The following NISCH variants were observed in gnomAD, a reference collection of about 807,000 sequenced individuals.
The protein encoded by NISCH is nischarin, also known as I-1 receptor candidate protein.
Under a neutral mutation model 138.4 loss-of-function variants are expected in NISCH, and 55 were observed. The observed-to-expected ratio is 0.40, with a 90% CI of 0.32 to 0.50. The LOEUF is 0.50. Among genes scored for constraint, NISCH ranks in the 20% least tolerant of loss-of-function variants. NISCH has a pLI of 0.71. For missense variants in NISCH, 1,643 were observed against 2,005.5 expected, an observed-to-expected ratio of 0.82 and a Z score of 3.45; for synonymous variants, 860 against 861.5, an observed-to-expected ratio of 1.00 and a Z score of 0.03.
chr3:52,487,498 G>T lies in NISCH; in HGVS notation c.2006G>T (p.Gly669Val). Residue 669 changes from glycine (G) to valine (V), a missense_variant, in exon 16 of 21, where the codon GGC becomes GTC. Physicochemically the swap from Gly to Val is moderately radical, Grantham distance 109 (BLOSUM62 -3). Transcript: ENST00000345716. This position sits in a 1 kb window ranked among gnomAD's most constrained non-coding sequence, Gnocchi z 9.1. Reference protein sequence around the residue: ...PPDVEEEEGGGQGEEEEEEEE... With the variant: ...PPDVEEEEGGVQGEEEEEEEE... ...GACGTGGAGGAGGAGGAGGGAGGAGGCCAGGGGGAGGAAGAGGAGGAGGAA... is the reference window on the plus strand; with the variant it reads ...GACGTGGAGGAGGAGGAGGGAGGAGTCCAGGGGGAGGAAGAGGAGGAGGAA... The T allele has an allele frequency of 6.2e-7, 1 of 1,602,212 alleles. No individual in the cohort carries two copies. The highest frequency in any genetic ancestry group is 8.5e-7 in the Non-Finnish European group (1 of 1,172,140).
rs78900486 is a variant in NISCH, at chr3:52,479,825, A to G, written c.1379A>G (p.Lys460Arg). 1,614 of 1,613,766 alleles carry G rather than the reference A, an allele frequency of 1.0e-3. 15 individuals carry two copies. The African/African-American group carries it at 0.019, about 19-fold the overall frequency. ...GTGCTGAAAGCAATTCAGAAAGCCAAGGAGGTCAAGTCCAAACTGAGCAAC... is the reference window on the plus strand; with the variant it reads ...GTGCTGAAAGCAATTCAGAAAGCCAGGGAGGTCAAGTCCAAACTGAGCAAC... The part of the protein sequence containing the change: ...VEVLKAIQKA[K>R]EVKSKLSNPE... Residue 460 changes from lysine (K) to arginine (R), a missense_variant, in exon 12 of 21, where the codon AAG (lysine) becomes AGG (arginine). Transcript: ENST00000345716.
chr3:52,482,341 C>G (rs941110115), intron 13 of NISCH, among the ~76,000 whole-genome samples: 3 of 152,216 alleles, frequency 2.0e-5, no homozygotes, highest in Non-Finnish European at 2.9e-5. Context: ...AACACCCAGC[C>G]TCCCGTCGTG....
Position 52,492,144 on chromosome 3 carries a change from C to T in NISCH, c.4177C>T (p.Pro1393Ser). 1 of 1,613,118 alleles carries T rather than the reference C, an allele frequency of 6.2e-7. No homozygotes were observed. Among genetic ancestry groups the T allele is most frequent in the Non-Finnish European group, 8.5e-7 (1 of 1,180,040 alleles). ...LDEDCVHYPL[P>S]EFAKEPPQRD... is the part of the protein sequence containing the mutation. ...TGAGGACTGTGTCCACTACCCACTGCCCGAGTTTGCCAAAGAGCCGCCGCA... is the reference window on the plus strand; with the variant it reads ...TGAGGACTGTGTCCACTACCCACTGTCCGAGTTTGCCAAAGAGCCGCCGCA... Residue 1393 changes from proline to serine, a missense_variant, in exon 21 of 21, where the codon CCC (proline) becomes TCC (serine). Pro to Ser is a moderately conservative substitution (Grantham distance 74). Coordinates refer to ENST00000345716, the MANE Select transcript of NISCH (RefSeq NM_007184.4).
intron 4 of NISCH, chr3:52,471,212 C>A: frequency 2.1e-6 from 1 of 484,142 alleles, no homozygotes; most frequent in Non-Finnish European, 3.7e-6. Flanking sequence ...CCCTGGGTCC[C>A]ATCCCTGCCA....
At chr3:52,458,081 A>G (rs548760887) in intron 2 of NISCH, among the ~76,000 whole-genome samples, 155 bp downstream of exon 2, 10 of 152,384 alleles carry the variant, frequency 6.6e-5, no homozygotes, top group Admixed American at 5.2e-4. Context: ...TCATTAATAT[A>G]GCATGTAAAT....
chr3:52,459,272 C>T (rs191093272), intron 3 of NISCH, among the ~76,000 whole-genome samples: 126 of 152,290 alleles, frequency 8.3e-4, no homozygotes, highest in Non-Finnish European at 1.6e-3. Flanking sequence ...AGGGTCCGCG[C>T]TGCCAGGGTG....
chr3:52,478,892 T>G (rs775126868), intron 11 of NISCH, among the ~76,000 whole-genome samples: 1 of 152,178 alleles, frequency 6.6e-6, no homozygotes, highest in African/African-American at 2.4e-5. Context: ...AGGGTTTGCC[T>G]TTGCCAGTGT....
At chr3:52,484,720 C>G (rs1707364414) in intron 14 of NISCH, 83 bp downstream of exon 14, 1 of 1,519,922 alleles carries the variant, frequency 6.6e-7, no homozygotes, top group African/African-American at 1.4e-5. Context: ...AGGAAGTGGC[C>G]TAGCTGGAGC....
chr3:52,482,201 CAG>C (rs750877080), intron 13 of NISCH, among the ~76,000 whole-genome samples: 9 of 152,288 alleles, frequency 5.9e-5, no homozygotes, highest in African/African-American at 1.2e-4. Flanking sequence ...CCTGGATGGA[CAG>C]GGTTTTTTAG....
At chr3:52,457,984 T>A in intron 2 of NISCH, 58 bp downstream of exon 2, 1 of 1,321,554 alleles carries the variant, frequency 7.6e-7, no homozygotes, top group South Asian at 1.2e-5. Flanking sequence ...TAGGCCAACT[T>A]TCCATTGTGC....
At chr3:52,459,177 T>G (rs766041483) in intron 3 of NISCH, among the ~76,000 whole-genome samples, 15 of 152,168 alleles carry the variant, frequency 9.9e-5, no homozygotes, top group Non-Finnish European at 1.8e-4. Flanking sequence ...GGATAGACTA[T>G]TGTTGAGTTG....
chr3:52,482,362 T>C (rs1240514369), intron 13 of NISCH, among the ~76,000 whole-genome samples: 1 of 152,160 alleles, frequency 6.6e-6, no homozygotes, highest in Non-Finnish European at 1.5e-5. Flanking sequence ...GCAGGCGCTG[T>C]CGGAGCCATG....
chr3:52,490,017 C>A, intron 17 of NISCH, 58 bp from the exon 18 acceptor site: 1 of 1,601,454 alleles, frequency 6.2e-7, no homozygotes, highest in Admixed American at 1.7e-5. Context: ...GTGGGCATGT[C>A]CCTGGTATGT....
chr3:52,480,158 G>A (rs369069538), intron 12 of NISCH, 26 bp from the exon 13 acceptor site: 22 of 1,612,982 alleles, frequency 1.4e-5, no homozygotes, highest in Middle Eastern at 1.7e-4. Context: ...CTTCTCTCCC[G>A]GGCTGACTCA....
At chr3:52,462,987 C>A (rs896912530) in intron 3 of NISCH, among the ~76,000 whole-genome samples, 6 of 152,172 alleles carry the variant, frequency 3.9e-5, no homozygotes, top group Non-Finnish European at 4.4e-5. Flanking sequence ...ATAAAATTAA[C>A]TTTTTAATGT....
At chr3:52,480,829 G>T (rs914458480) in intron 13 of NISCH, 79 of 1,523,452 alleles carry the variant, frequency 5.2e-5, no homozygotes, top group Non-Finnish European at 6.8e-5. Flanking sequence ...AGGCCCATTC[G>T]TCTGCCCACT....
At chr3:52,477,936 G>T in intron 9 of NISCH, 161 bp from the exon 10 acceptor site, 1 of 773,274 alleles carries the variant, frequency 1.3e-6, no homozygotes, top group Non-Finnish European at 2.1e-6. Flanking sequence ...GCTGTGGCAT[G>T]TGCGGCAGAG....
chr3:52,467,900 A>G (rs1706832993), intron 3 of NISCH, among the ~76,000 whole-genome samples: 1 of 152,218 alleles, frequency 6.6e-6, no homozygotes, highest in Admixed American at 6.5e-5. Flanking sequence ...AGCTGGGACT[A>G]CATGCCTAGC....
chr3:52,480,321 A>G (rs1707233910), intron 13 of NISCH, 26 bp downstream of exon 13: 1 of 1,612,946 alleles, frequency 6.2e-7, no homozygotes, highest in Non-Finnish European at 8.5e-7. Context: ...TCTTGCTTCT[A>G]GTGGAGCCAC....
Sources: gnomAD v4.1 joint callset for allele counts (sites outside exome capture counted in the v4.1 genomes callset) on GRCh38, gnomAD v4.1.1 for gene constraint, Gnocchi (gnomAD v3.1) non-coding constraint, MANE v1.5 for transcripts, NCBI Gene and HGNC (gene_info 2026-07-23, HGNC 2026-07-21) for gene names.